SLC2A5: variants seen among roughly 807,000 people sequenced by gnomAD.
SLC2A5 encodes solute carrier family 2 member 5, also known as solute carrier family 2, facilitated glucose transporter member 5.
SLC2A5 carries 56 observed loss-of-function variants against 50.3 expected under a neutral mutation model. The ratio of observed to expected loss-of-function variants is 1.11; its 90% CI spans 0.90 to 1.39. The LOEUF is 1.39. SLC2A5 is among the 40% of genes most tolerant of loss of function. The pLI is 0.00. For missense variants in SLC2A5, 566 were observed against 650.1 expected, an observed-to-expected ratio of 0.87 and a Z score of 1.41; for synonymous variants, 269 against 281.9, an observed-to-expected ratio of 0.95 and a Z score of 0.46.
chr1:9,040,028 G>T lies in SLC2A5; in HGVS notation c.697+36C>A. 6.3e-7 allele frequency: 1 copy of T among 1,586,902 alleles called. No individual in the cohort carries two copies. The highest frequency in any genetic ancestry group is 8.6e-7 in the Non-Finnish European group (1 of 1,163,190). On this transcript the variant is annotated intron_variant, in intron 6 of 11. Coordinates refer to ENST00000377424, the MANE Select transcript of SLC2A5 (RefSeq NM_003039.3). This position sits in a 1 kb window ranked among gnomAD's most constrained non-coding sequence, Gnocchi z 4.3. ...ACCGTCGGACCAGGGCTGGGGAGCA[G>T]AACCTGGAGGCCGCCCCCGCCAGAG...
chr1:9,081,280 CCCCAA>C (rs1188193487), intron 2 of SLC2A5, among the ~76,000 whole-genome samples: 19 of 69,436 alleles, frequency 2.7e-4, no homozygotes, highest in African/African-American at 1.6e-3. Flanking sequence ...AAAAAAAAAA[CCCCAA>C]AAAAAAAAAA....
At chr1:9,057,292 TAAAAAAAAAAA>T (rs760221358) in intron 3 of SLC2A5, among the ~76,000 whole-genome samples, 145 bp downstream of exon 3, 1 of 103,440 alleles carries the variant, frequency 9.7e-6, no homozygotes. Flanking sequence ...TCTCAAAAAT[TAAAAAAAAAAA>T]AAAAAAAAAA....
chr1:9,086,749 T>C (rs1040121418), intron 1 of SLC2A5, among the ~76,000 whole-genome samples: 3 of 152,102 alleles, frequency 2.0e-5, no homozygotes, highest in African/African-American at 7.2e-5. Context: ...TGGGTGCTAT[T>C]GATTGGTTCT....
chr1:9,039,730 GGCGCCCCAGGACCTGCGCCCC>G (rs1312029114), intron 7 of SLC2A5, 49 bp downstream of exon 7: 1 of 1,418,066 alleles, frequency 7.1e-7, no homozygotes, highest in Non-Finnish European at 9.2e-7. Context: ...ACCCACGCCC[GGCGCCCCAGGACCTGCGCCCC>G]GCGCCCCCCG....
chr1:9,052,464 A>G (rs1355491826), intron 3 of SLC2A5, among the ~76,000 whole-genome samples: 1 of 152,182 alleles, frequency 6.6e-6, no homozygotes, highest in Non-Finnish European at 1.5e-5. Context: ...TCTATATGAT[A>G]CTATAATGGT....
chr1:9,061,012 G>A (rs977447342), intron 1 of SLC2A5, among the ~76,000 whole-genome samples: 12 of 152,034 alleles, frequency 7.9e-5, no homozygotes, highest in African/African-American at 2.9e-4. Flanking sequence ...TTCTGGGCAC[G>A]ACGGCTCATG....
intron 1 of SLC2A5, among the ~76,000 whole-genome samples, chr1:9,062,880 A>T (rs1334473762): frequency 6.7e-6 from 1 of 149,718 alleles, no homozygotes; most frequent in Non-Finnish European, 1.5e-5. Flanking sequence ...TCAAAAAATA[A>T]ATAAATAAAT....
chr1:9,039,999 C>A lies in SLC2A5; in HGVS notation c.698-12G>T, dbSNP rs757458776. 20 of 1,599,872 alleles carry A rather than the reference C, an allele frequency of 1.3e-5. No individual in the cohort carries two copies. In the African/African-American group the frequency reaches 2.3e-4, roughly 18 times the overall value. ...CAGCGTCTGTAGGGCTGGGGAGAAG[C>A]GGCACCGTCGGACCAGGGCTGGGGA... On this transcript the variant is annotated splice_polypyrimidine_tract_variant and intron_variant, in intron 6 of 11. Transcript: ENST00000377424.
In SLC2A5 at chr1:9,058,195, A is replaced by T. The variant is rs779146081; in HGVS notation, c.89T>A (p.Phe30Tyr). Residue 30 changes from phenylalanine to tyrosine, a missense_variant, in exon 2 of 12, where the codon TTC becomes TAC. Coordinates refer to ENST00000377424, the MANE Select transcript of SLC2A5 (RefSeq NM_003039.3). Reference sequence around the variant, plus strand: ...AGCAGCCACGTTGTACCCATACTGGAAGGATGACCCAAAGGCAGCTATCAG... The same window carrying T: ...AGCAGCCACGTTGTACCCATACTGGTAGGATGACCCAAAGGCAGCTATCAG... ...ATLIAAFGSSFQYGYNVAAVN... is the reference protein window; with the variant it reads ...ATLIAAFGSSYQYGYNVAAVN... 6.2e-7 allele frequency: 1 copy of T among 1,614,098 alleles called. No individual in the cohort carries two copies. Among genetic ancestry groups the T allele is most frequent in the Admixed American group, 1.7e-5 (1 of 60,030 alleles).
At chr1:9,049,602 C>A (rs1641519756) in intron 3 of SLC2A5, among the ~76,000 whole-genome samples, 1 of 151,608 alleles carries the variant, frequency 6.6e-6, no homozygotes, top group African/African-American at 2.4e-5. Context: ...ACTCGGGAGG[C>A]TGAGGCATGA....
Position 9,066,432 on chromosome 1 carries a change from G to A in SLC2A5, c.33+3072C>T, listed in dbSNP as rs996353461. On this transcript the variant is annotated intron_variant, in intron 1 of 11. Transcript: ENST00000377424. ...GTACACTTTGTAGAGACCAAGTTTC[G>A]CCATGTTGCCCAGGCTGGTCCCAAA... 7.2e-5 allele frequency among the ~76,000 whole-genome samples: 11 copies of A among 152,028 alleles called. No individual in the cohort carries two copies. The East Asian group carries it at 2.1e-3, about 30-fold the overall frequency.
intron 4 of SLC2A5, among the ~76,000 whole-genome samples, chr1:9,043,496 C>T (rs1195045167): frequency 6.6e-6 from 1 of 152,050 alleles, no homozygotes; most frequent in Non-Finnish European, 1.5e-5. Flanking sequence ...AGGAAGGCCT[C>T]CTGGGAGCTG....
rs1011325313 is a variant in SLC2A5, at chr1:9,060,154, C to T, written c.34-1904G>A. ...CAACACACACACTACATACACACTA[C>T]ACACACTACACACTACATACACAAT... On this transcript the variant is annotated intron_variant, in intron 1 of 11. Coordinates refer to ENST00000377424, the MANE Select transcript of SLC2A5 (RefSeq NM_003039.3). 5.0e-4 allele frequency among the ~76,000 whole-genome samples: 74 copies of T among 146,592 alleles called. 1 individual carries two copies. The highest frequency in any genetic ancestry group is 1.7e-3 in the African/African-American group (66 of 39,872).
intron 1 of SLC2A5, among the ~76,000 whole-genome samples, chr1:9,061,912 T>C (rs909764974): frequency 2.0e-5 from 3 of 152,208 alleles, no homozygotes; most frequent in African/African-American, 4.8e-5. Flanking sequence ...AGAGAGACTA[T>C]GGAGGAGAGA....
intron 4 of SLC2A5, among the ~76,000 whole-genome samples, chr1:9,043,885 C>A (rs1641370071): frequency 6.6e-6 from 1 of 151,786 alleles, no homozygotes; most frequent in Non-Finnish European, 1.5e-5. Context: ...CCACGCCTGG[C>A]TAATTTTTGT....
chr1:9,078,364 C>A (rs940381498), intron 2 of SLC2A5, among the ~76,000 whole-genome samples: 14 of 152,286 alleles, frequency 9.2e-5, no homozygotes, highest in African/African-American at 3.1e-4. Flanking sequence ...AATGCCTAAA[C>A]CTCCTGGGAA....
chr1:9,056,431 C>T (rs1223165665), intron 3 of SLC2A5, among the ~76,000 whole-genome samples: 5 of 152,008 alleles, frequency 3.3e-5, no homozygotes, highest in African/African-American at 1.2e-4. Context: ...GTGATCCGCC[C>T]GCCTCTGCCA....
At chr1:9,065,656 TGTGGCCTTG>T (rs1642062076) in intron 1 of SLC2A5, among the ~76,000 whole-genome samples, 1 of 152,176 alleles carries the variant, frequency 6.6e-6, no homozygotes, top group Admixed American at 6.5e-5. Context: ...TGCTGGGCTG[TGTGGCCTTG>T]GGCAACTCCC....
chr1:9,041,773 T>C lies in SLC2A5; in HGVS notation c.571+12A>G. 2 of 1,613,912 alleles carry C rather than the reference T, an allele frequency of 1.2e-6. No homozygotes were observed. The highest frequency in any genetic ancestry group is 1.7e-6 in the Non-Finnish European group (2 of 1,179,984). ...AAGGGGTGGGGGTGCTCCCGAGATG[T>C]CCTGAACTCACCATCTACGTTTGCA... On this transcript the variant is annotated intron_variant, in intron 5 of 11. Coordinates refer to ENST00000377424, the MANE Select transcript of SLC2A5 (RefSeq NM_003039.3).
Sources: gnomAD v4.1 joint callset for allele counts (sites outside exome capture counted in the v4.1 genomes callset) on GRCh38, gnomAD v4.1.1 for gene constraint, Gnocchi (gnomAD v3.1) non-coding constraint, MANE v1.5 for transcripts, NCBI Gene and HGNC (gene_info 2026-07-23, HGNC 2026-07-21) for gene names.